Variants in ELAPOR1 observed in about 807,000 individuals in gnomAD.
ELAPOR1 encodes the protein endosome/lysosome-associated apoptosis and autophagy regulator 1.
Under a neutral mutation model 119.7 loss-of-function variants are expected in ELAPOR1, and 77 were observed. That is an observed-to-expected ratio of 0.64 (90% CI 0.54 to 0.78). ELAPOR1 has a LOEUF of 0.78. Among genes scored for constraint, ELAPOR1 ranks in the 30% least tolerant of loss-of-function variants. The pLI, the probability that ELAPOR1 is intolerant of heterozygous loss-of-function variation, is 0.00. For synonymous variants in ELAPOR1, 481 were observed against 487.2 expected, an observed-to-expected ratio of 0.99 and a Z score of 0.17; for missense variants, 1,115 against 1,270.4, an observed-to-expected ratio of 0.88 and a Z score of 1.86.
chr1:109,157,654 G>A (rs1650966817), intron 1 of ELAPOR1, among the ~76,000 whole-genome samples: 1 of 152,176 alleles, frequency 6.6e-6, no homozygotes, highest in African/African-American at 2.4e-5. Context: ...ATGGCTTAGG[G>A]AAGTCAAGCA....
intron 3 of ELAPOR1, among the ~76,000 whole-genome samples, chr1:109,169,315 C>T (rs535951582): frequency 2.6e-5 from 4 of 152,346 alleles, no homozygotes; most frequent in African/African-American, 9.6e-5. Flanking sequence ...TCTCGGCTCA[C>T]TGCAACCTCC....
intron 7 of ELAPOR1, among the ~76,000 whole-genome samples, chr1:109,183,963 G>A (rs1357504884): frequency 1.3e-5 from 2 of 151,934 alleles, no homozygotes; most frequent in Non-Finnish European, 2.9e-5. Flanking sequence ...TGCGGGAGGC[G>A]GGAGGATCGC....
intron 16 of ELAPOR1, 67 bp downstream of exon 16, chr1:109,197,721 AAGAGAG>A: frequency 6.8e-7 from 1 of 1,480,948 alleles, no homozygotes; most frequent in Non-Finnish European, 9.1e-7. Context: ...GTGTATGTGT[AAGAGAG>A]TGTGAGGTTA....
At chr1:109,177,256 C>T (rs576829001) in intron 7 of ELAPOR1, among the ~76,000 whole-genome samples, 6 of 144,866 alleles carry the variant, frequency 4.1e-5, no homozygotes, top group African/African-American at 7.8e-5. Flanking sequence ...ACCTCCCTCC[C>T]GGACGGGGCG....
chr1:109,134,337 C>A (rs1649328144), intron 1 of ELAPOR1, among the ~76,000 whole-genome samples: 1 of 152,142 alleles, frequency 6.6e-6, no homozygotes, highest in African/African-American at 2.4e-5. Flanking sequence ...TTTTACTCTG[C>A]AAAGCCTCAT....
chr1:109,130,746 A>G (rs1649108834), intron 1 of ELAPOR1, among the ~76,000 whole-genome samples: 1 of 152,194 alleles, frequency 6.6e-6, no homozygotes, highest in Non-Finnish European at 1.5e-5. Flanking sequence ...TAAAAACTAT[A>G]ATCTTTTTCA....
intron 1 of ELAPOR1, 131 bp downstream of exon 1, chr1:109,114,467 G>C: frequency 8.9e-7 from 1 of 1,125,110 alleles, no homozygotes; most frequent in Non-Finnish European, 1.2e-6. Context: ...TGAGGCGTGG[G>C]GGGAGGGAAG....
intron 1 of ELAPOR1, chr1:109,161,467 T>C (rs1651253256): frequency 6.5e-6 from 1 of 152,716 alleles, no homozygotes; most frequent in Non-Finnish European, 1.5e-5. Flanking sequence ...ATACCACTTC[T>C]GTGAGGAGCC....
Position 109,153,881 on chromosome 1 carries a change from C to T in ELAPOR1, c.154-8013C>T, listed in dbSNP as rs1041528738. Among the ~76,000 whole-genome samples, 7 of 152,170 alleles carry T rather than the reference C, an allele frequency of 4.6e-5. No individual in the cohort carries two copies. The East Asian group carries it at 1.4e-3, about 29-fold the overall frequency. On this transcript the variant is annotated intron_variant, in intron 1 of 21. Transcript: ENST00000369939. ...TCGATTACAGGCGTGAACCACTGTG[C>T]CCGGCCCAGATTTTTATTTTCTTTT... is the stretch of plus-strand genomic sequence containing the variant.
intron 7 of ELAPOR1, among the ~76,000 whole-genome samples, chr1:109,180,788 G>T (rs1652644452): frequency 6.6e-6 from 1 of 152,026 alleles, no homozygotes; most frequent in African/African-American, 2.4e-5. Flanking sequence ...AATAGAACAA[G>T]ACTCCTGTCT....
chr1:109,172,111 G>T, intron 4 of ELAPOR1, 98 bp downstream of exon 4: 2 of 1,427,854 alleles, frequency 1.4e-6, no homozygotes, highest in South Asian at 1.2e-5. Flanking sequence ...CTGCTTGGGG[G>T]AATCACTGTT....
intron 1 of ELAPOR1, among the ~76,000 whole-genome samples, chr1:109,143,826 T>C (rs1448615931): frequency 6.6e-6 from 1 of 151,666 alleles, no homozygotes; most frequent in African/African-American, 2.4e-5. Flanking sequence ...TAAGCCACCA[T>C]GCCCAGCTAA....
At chr1:109,200,933 C>G (rs1377310292) in intron 21 of ELAPOR1, 33 bp downstream of exon 21, 4 of 1,593,180 alleles carry the variant, frequency 2.5e-6, no homozygotes, top group African/African-American at 2.7e-5. Context: ...TGAGGTCAGC[C>G]TGGAGGGCTG....
chr1:109,140,580 A>G (rs1158103990), intron 1 of ELAPOR1, among the ~76,000 whole-genome samples: 2 of 152,182 alleles, frequency 1.3e-5, no homozygotes, highest in Non-Finnish European at 2.9e-5. Context: ...CTAGATAAGA[A>G]ATAACTGTGT....
chr1:109,162,737 T>C (rs1321391911), intron 2 of ELAPOR1, among the ~76,000 whole-genome samples: 1 of 152,252 alleles, frequency 6.6e-6, no homozygotes, highest in Non-Finnish European at 1.5e-5. Context: ...CCTGGTTGAG[T>C]AAGTGAGCAA....
rs1033497010 is a variant in ELAPOR1 at position 109,142,770 on chromosome 1, A to T, written c.154-19124A>T. Among the ~76,000 whole-genome samples the T allele has an allele frequency of 2.6e-5, 4 of 152,200 alleles. No homozygotes were observed. The East Asian group carries it at 7.7e-4, about 29-fold the overall frequency. On this transcript the variant is annotated intron_variant, in intron 1 of 21. Coordinates refer to ENST00000369939, the MANE Select transcript of ELAPOR1 (RefSeq NM_020775.5). ...TCCTCAAAAAGTTAAACATAGAGTT[A>T]CCATATGACCTGGCAATTATACTCT...
intron 1 of ELAPOR1, among the ~76,000 whole-genome samples, chr1:109,123,652 T>C (rs1648587250): frequency 2.0e-5 from 3 of 152,234 alleles, no homozygotes; most frequent in Non-Finnish European, 4.4e-5. Flanking sequence ...CTTATTCTAA[T>C]AATTCAAGAA....
chr1:109,196,283 T>G (rs533602232), intron 15 of ELAPOR1, among the ~76,000 whole-genome samples: 1 of 152,340 alleles, frequency 6.6e-6, no homozygotes, highest in African/African-American at 2.4e-5. Flanking sequence ...TGGGTGTTTA[T>G]AAAGAGAACA....
At chr1:109,131,496 C>A (rs551723353) in intron 1 of ELAPOR1, among the ~76,000 whole-genome samples, 1 of 152,210 alleles carries the variant, frequency 6.6e-6, no homozygotes, top group East Asian at 1.9e-4. Flanking sequence ...GTTCTTAAAT[C>A]TCCATGTTAT....
Sources: allele counts gnomAD v4.1 joint callset (sites outside exome capture counted in the v4.1 genomes callset), GRCh38; gene constraint gnomAD v4.1.1; transcripts MANE v1.5; gene names NCBI Gene and HGNC (gene_info 2026-07-23, HGNC 2026-07-21).